The following ZZEF1 variants were observed in gnomAD, a reference collection of about 807,000 sequenced individuals.
The protein encoded by ZZEF1 is zinc finger ZZ-type and EF-hand domain containing 1.
In ZZEF1, 157 loss-of-function variants were observed where a neutral mutation model predicts 342.8. That is an observed-to-expected ratio of 0.46 (90% CI 0.40 to 0.52). The LOEUF is 0.52. Ranked by LOEUF, ZZEF1 falls within the 20% of genes least tolerant of loss-of-function variation. The pLI is 0.00. For missense variants in ZZEF1, 3,480 were observed against 3,725.6 expected (o/e 0.93, Z 1.72); for synonymous variants, 1,505 against 1,429.1 (o/e 1.05, Z -1.20).
intron 9 of ZZEF1, among the ~76,000 whole-genome samples, chr17:4,100,602 G>A (rs79222661): frequency 0.011 from 1,721 of 152,198 alleles, 14 homozygotes; most frequent in Non-Finnish European, 0.016. Context: ...ACATCCAGCC[G>A]GGCACGGTGG....
chr17:4,078,796 T>C (rs776486138), intron 18 of ZZEF1, among the ~76,000 whole-genome samples: 6 of 152,250 alleles, frequency 3.9e-5, no homozygotes, highest in Non-Finnish European at 8.8e-5. Flanking sequence ...GCACAGGGCC[T>C]AACACACAGC....
intron 42 of ZZEF1, among the ~76,000 whole-genome samples, chr17:4,026,847 G>C (rs2056417445): frequency 1.3e-5 from 2 of 152,036 alleles, no homozygotes; most frequent in African/African-American, 4.8e-5. Flanking sequence ...CATCTTTAAA[G>C]TATTTGCTAA....
In ZZEF1 at chr17:4,034,047, C is replaced by T. The variant is rs376462339; in HGVS notation, c.6552G>A (p.Leu2184=). 2.5e-6 allele frequency: 4 copies of T among 1,614,066 alleles called. No individual in the cohort carries two copies. The highest frequency in any genetic ancestry group is 3.4e-6 in the Non-Finnish European group (4 of 1,180,044). The stretch of plus-strand genomic sequence containing the variant: ...GACACACAGCTCCCAGGCTAAAGAG[C>T]AGGTGGGTGGTTTTCCAGCCATCTG... ...IVPDGWKTTH[L]LFSLGAVCLD... The change falls in exon 40 of 55, where the codon CTG becomes CTA. Residue 2184 remains leucine, a synonymous_variant. Transcript: ENST00000381638.
Position 4,010,724 on chromosome 17 carries a change from C to CAA in ZZEF1, c.8580-969_8580-968dup, listed in dbSNP as rs58349682. Among the ~76,000 whole-genome samples, 14 of 85,244 alleles carry CAA rather than the reference C, an allele frequency of 1.6e-4. 1 individual carries two copies. Among genetic ancestry groups the CAA allele is most frequent in the South Asian group, 4.2e-4 (1 of 2,372 alleles). 55.9% of individuals were successfully genotyped at this position (85,244 alleles called of 152,430 possible). ...CAAGTGACAGTGTGAGATTCCGTCT[C>CAA]AAAAAAAAAAAGAAAAAGAAAAAAG... is the stretch of plus-strand genomic sequence containing the variant. On this transcript the variant is annotated intron_variant, in intron 52 of 54. Transcript: ENST00000381638.
Position 4,070,779 on chromosome 17 carries a change from A to G in ZZEF1, c.3980T>C (p.Ile1327Thr), listed in dbSNP as rs375258491. Residue 1327 changes from isoleucine (I) to threonine (T), a missense_variant, in exon 26 of 55, where the codon ATA (isoleucine) becomes ACA (threonine). Ile to Thr is a moderately conservative substitution (Grantham distance 89). Coordinates refer to ENST00000381638, the MANE Select transcript of ZZEF1 (RefSeq NM_015113.4). ...ACRKQAPKTD[I>T]VAGSTIDQAV... Reference sequence around the variant, plus strand: ...TTGATCAATAGTGGAACCAGCAACTATATCTGTCTTTGGGGCCTGTTTTCT... The same window carrying G: ...TTGATCAATAGTGGAACCAGCAACTGTATCTGTCTTTGGGGCCTGTTTTCT... The G allele has an allele frequency of 1.8e-5, 29 of 1,614,040 alleles. No homozygotes were observed. The highest frequency in any genetic ancestry group is 1.6e-4 in the Middle Eastern group (1 of 6,084).
intron 52 of ZZEF1, among the ~76,000 whole-genome samples, chr17:4,012,638 C>A (rs1255174211): frequency 6.6e-6 from 1 of 152,156 alleles, no homozygotes; most frequent in East Asian, 1.9e-4. Flanking sequence ...ATTCCCAATT[C>A]AACACTATAT....
Position 4,016,290 on chromosome 17 carries a change from C to A in ZZEF1, c.8145+33G>T, listed in dbSNP as rs201565647. 2.5e-6 allele frequency: 4 copies of A among 1,591,090 alleles called. No homozygotes were observed. Among genetic ancestry groups the A allele is most frequent in the Non-Finnish European group, 2.6e-6 (3 of 1,172,428 alleles). On this transcript the variant is annotated intron_variant, in intron 49 of 54. Transcript: ENST00000381638. The surrounding 1 kb of genome is among the most constrained non-coding windows in gnomAD (Gnocchi z 4.4). Reference sequence around the variant, plus strand: ...GCTGACGAGGTCTCTGCGGCTCAGTCGCTCTTATGGGGCCTGCCGGCCCCA... The same window carrying A: ...GCTGACGAGGTCTCTGCGGCTCAGTAGCTCTTATGGGGCCTGCCGGCCCCA...
intron 24 of ZZEF1, 144 bp from the exon 25 acceptor site, chr17:4,072,900 T>C: frequency 2.5e-6 from 2 of 812,460 alleles, no homozygotes; most frequent in Non-Finnish European, 3.7e-6. Context: ...AATGTAATTG[T>C]GATACTTTGT....
chr17:4,057,973 A>T, intron 32 of ZZEF1, 21 bp downstream of exon 32: 1 of 1,605,688 alleles, frequency 6.2e-7, no homozygotes, highest in Non-Finnish European at 8.5e-7. Context: ...GGAACTGCAG[A>T]GCGCAGGACC....
In ZZEF1 at chr17:4,010,246, C is replaced by T. The variant is rs188303932; in HGVS notation, c.8580-489G>A. On this transcript the variant is annotated intron_variant, in intron 52 of 54. Transcript: ENST00000381638. ...CTGTGTGTGACAGCACCCAGCTACT[C>T]GAGAGGCTGAGGTGGGAGGACTGCT... Among the ~76,000 whole-genome samples, 381 of 151,834 alleles carry T rather than the reference C, an allele frequency of 2.5e-3. 1 individual carries two copies. The highest frequency in any genetic ancestry group is 8.5e-3 in the African/African-American group (351 of 41,402).
At chr17:4,074,465 C>T in intron 23 of ZZEF1, 114 bp from the exon 24 acceptor site, 2 of 1,114,980 alleles carry the variant, frequency 1.8e-6, no homozygotes, top group East Asian at 2.4e-5. Flanking sequence ...TCTATTTCCA[C>T]ATGTCCAAAA....
chr17:4,116,922 T>G (rs1597916254), intron 3 of ZZEF1, 50 bp downstream of exon 3: 1 of 1,486,568 alleles, frequency 6.7e-7, no homozygotes, highest in East Asian at 2.5e-5. Context: ...AACACAACAG[T>G]TAGAAGAAAT....
At chr17:4,036,541 C>T (rs2056667320) in intron 39 of ZZEF1, among the ~76,000 whole-genome samples, 1 of 151,992 alleles carries the variant, frequency 6.6e-6, no homozygotes, top group South Asian at 2.1e-4. Flanking sequence ...TCAAGACCAG[C>T]CTGACCAACA....
intron 15 of ZZEF1, among the ~76,000 whole-genome samples, chr17:4,086,039 A>C (rs900359188): frequency 5.3e-5 from 8 of 152,220 alleles, no homozygotes; most frequent in Non-Finnish European, 1.0e-4. Flanking sequence ...CTTTTGAGAC[A>C]CAACTTGGCA....
intron 35 of ZZEF1, 27 bp downstream of exon 35, chr17:4,051,944 T>G: frequency 6.3e-7 from 1 of 1,592,744 alleles, no homozygotes; most frequent in Non-Finnish European, 8.6e-7. Context: ...ATAAAAGGCT[T>G]GGTGGCGACG....
At position 4,054,076 on chromosome 17, in the gene ZZEF1, G is replaced by C; in HGVS notation, c.5415C>G (p.Leu1805=). The C allele has an allele frequency of 6.2e-7, 1 of 1,612,576 alleles. No homozygotes were observed. The highest frequency in any genetic ancestry group is 1.1e-5 in the South Asian group (1 of 90,554). ...ATTTACCTAGGAAGCAAGTTTTGCA[G>C]AGATCCATGTCGCTGCACTGCAGAC... The part of the protein sequence containing the change: ...YRCLQCSDMD[L]CKTCFLGGVK... The change falls in exon 34 of 55, where the codon CTC becomes CTG. Residue 1805 remains leucine, a synonymous_variant. Coordinates refer to ENST00000381638, the MANE Select transcript of ZZEF1 (RefSeq NM_015113.4).
Position 4,142,911 on chromosome 17 carries a change from G to A in ZZEF1, c.-16C>T. 3 of 1,314,576 alleles carry A rather than the reference G, an allele frequency of 2.3e-6. No individual in the cohort carries two copies. The highest frequency in any genetic ancestry group is 9.7e-7 in the Non-Finnish European group (1 of 1,036,250). The allele number at this position is 1,314,576 out of a possible 1,614,324, so 81.4% of individuals were successfully genotyped here. A position where few individuals can be genotyped will look rare whatever the true frequency, so the allele number is the denominator to read the frequency against. ...CGTTCCCCATGGGGTCTCCGTCTTG[G>A]GCGCCTGGCTCTGCAGCCGCCGCCG... On this transcript the variant is annotated 5_prime_UTR_variant, in exon 1 of 55. Transcript: ENST00000381638.
At position 4,006,216 on chromosome 17, in the gene ZZEF1, A is replaced by G. The variant is rs1567752580; in HGVS notation, c.*674T>C. On this transcript the variant is annotated 3_prime_UTR_variant, in exon 55 of 55. Transcript: ENST00000381638. The stretch of plus-strand genomic sequence containing the variant: ...GTGGAAACTGAAATATGTCAAAACA[A>G]CAACTGAGGAACTGCGGCTGTGCTG... The G allele has an allele frequency of 6.5e-6, 1 of 154,542 alleles. No individual in the cohort carries two copies. The highest frequency in any genetic ancestry group is 1.4e-5 in the Non-Finnish European group (1 of 69,590). 9.6% of individuals were successfully genotyped at this position (154,542 alleles called of 1,614,324 possible). A position where few individuals can be genotyped will look rare whatever the true frequency, so the allele number is the denominator to read the frequency against.
At chr17:4,128,864 C>T (rs530017849) in intron 1 of ZZEF1, among the ~76,000 whole-genome samples, 4 of 147,046 alleles carry the variant, frequency 2.7e-5, no homozygotes, top group South Asian at 2.2e-4. Context: ...CTCCGCCTCC[C>T]GAGTTCAAGC....
Sources: allele counts gnomAD v4.1 joint callset (sites outside exome capture counted in the v4.1 genomes callset), GRCh38; gene constraint gnomAD v4.1.1; non-coding constraint Gnocchi (gnomAD v3.1); transcripts MANE v1.5; gene names NCBI Gene and HGNC (gene_info 2026-07-23, HGNC 2026-07-21).